The following GPHN variants were observed in gnomAD, a reference collection of about 807,000 sequenced individuals.
The protein encoded by GPHN is gephyrin.
Under a neutral mutation model 95.5 loss-of-function variants are expected in GPHN, and 17 were observed. That is an observed-to-expected ratio of 0.18 (90% CI 0.12 to 0.27). The LOEUF (loss-of-function observed/expected upper bound fraction) is 0.27, where lower values mean the gene tolerates loss of function less well. GPHN is among the 10% of genes least tolerant of loss of function. The probability of loss-of-function intolerance (pLI) is 1.00; values close to 1 mark genes in which losing one functional copy is unlikely to be tolerated. For synonymous variants in GPHN, 320 were observed against 322.5 expected, an observed-to-expected ratio of 0.99 and a Z score of 0.08; for missense variants, 660 against 978.1, an observed-to-expected ratio of 0.67 and a Z score of 4.34.
intron 21 of GPHN, among the ~76,000 whole-genome samples, chr14:67,172,067 C>T (rs1299764924): frequency 6.6e-6 from 1 of 152,182 alleles, no homozygotes; most frequent in Non-Finnish European, 1.5e-5. Context: ...TACTGCACTA[C>T]ACCATGTTGG....
chr14:67,421,725 T>C, the GPHN span, among the ~76,000 whole-genome samples: 1 of 152,190 alleles, frequency 6.6e-6, no homozygotes, highest in Non-Finnish European at 1.5e-5. Context: ...TGGAATTACG[T>C]GGAAACTGCA....
intron 2 of GPHN, among the ~76,000 whole-genome samples, chr14:66,768,759 C>T (rs2059054731): frequency 6.6e-6 from 1 of 151,832 alleles, no homozygotes; most frequent in Non-Finnish European, 1.5e-5. Context: ...CAGAGTTATA[C>T]AGTAAAACCA....
intron 11 of GPHN, among the ~76,000 whole-genome samples, chr14:67,072,335 A>G (rs2076343192): frequency 6.6e-6 from 1 of 152,160 alleles, no homozygotes; most frequent in Admixed American, 6.5e-5. Context: ...AAAATTAGTG[A>G]AAATTAAAAG....
At chr14:66,670,042 A>C (rs1031938248) in intron 1 of GPHN, among the ~76,000 whole-genome samples, 3 of 152,078 alleles carry the variant, frequency 2.0e-5, no homozygotes, top group Non-Finnish European at 2.9e-5. Context: ...GTCTTATGAG[A>C]ATGTAGTCTT....
At chr14:66,694,109 C>A (rs372578739) in intron 2 of GPHN, among the ~76,000 whole-genome samples, 1 of 151,958 alleles carries the variant, frequency 6.6e-6, no homozygotes, top group Non-Finnish European at 1.5e-5. Flanking sequence ...GAAGCTTAAC[C>A]CCCGATGTGA....
the GPHN span, among the ~76,000 whole-genome samples, chr14:67,723,479 C>T: frequency 5.3e-5 from 8 of 152,296 alleles, no homozygotes; most frequent in Non-Finnish European, 1.2e-4. Context: ...AAGCGACCAT[C>T]CCACGTTGGC....
the GPHN span, among the ~76,000 whole-genome samples, chr14:67,663,546 C>A: frequency 7.3e-5 from 11 of 151,398 alleles, no homozygotes; most frequent in African/African-American, 2.7e-4. Flanking sequence ...TGGTGGTGGG[C>A]GCCTGTATTC....
At chr14:67,320,995 A>G in the GPHN span, 1 of 1,388,636 alleles carries the variant, frequency 7.2e-7, no homozygotes, top group Non-Finnish European at 1.0e-6. Flanking sequence ...TGACTAGCAG[A>G]ATTATCCCCT....
rs753681911 is a variant in GPHN, at chr14:67,111,888, C to T, written c.1441C>T (p.Leu481=). 6 of 1,613,216 alleles carry T rather than the reference C, an allele frequency of 3.7e-6. No homozygotes were observed. The highest frequency in any genetic ancestry group is 5.1e-6 in the Non-Finnish European group (6 of 1,179,340). The part of the protein sequence containing the change: ...DGTEELEVRI[L]VQARPGQDIR... ...CACTGAAGAACTTGAAGTGCGAATT[C>T]TGGTGCAAGCTCGGCCAGGCCAAGA... is the stretch of plus-strand genomic sequence containing the variant. The change falls in exon 15 of 23, where the codon CTG becomes TTG. Residue 481 remains leucine (L), a synonymous_variant. Coordinates refer to ENST00000478722, the MANE Select transcript of GPHN (RefSeq NM_020806.5).
chr14:66,681,273 T>C (rs1257280803), intron 2 of GPHN, 88 bp downstream of exon 2: 6 of 848,018 alleles, frequency 7.1e-6, no homozygotes, highest in South Asian at 4.3e-5. Context: ...TGAAAACTTA[T>C]TTAAGGTACA....
At chr14:67,476,212 C>A in the GPHN span, among the ~76,000 whole-genome samples, 9 of 152,342 alleles carry the variant, frequency 5.9e-5, no homozygotes, top group South Asian at 1.7e-3. Context: ...CAGGCCTGGT[C>A]ACATTAATAC....
chr14:67,519,714 G>GTTT, the GPHN span, among the ~76,000 whole-genome samples: 3 of 145,094 alleles, frequency 2.1e-5, no homozygotes, highest in African/African-American at 5.1e-5. Flanking sequence ...CTGTAAGTTT[G>GTTT]TTTTTTTTTT....
chr14:67,596,620 A>T, the GPHN span, among the ~76,000 whole-genome samples: 2 of 152,088 alleles, frequency 1.3e-5, no homozygotes, highest in African/African-American at 4.8e-5. Flanking sequence ...CTAGGCCCTG[A>T]CCTTGACATC....
chr14:66,837,140 C>T (rs2061860375), intron 4 of GPHN, among the ~76,000 whole-genome samples: 1 of 151,480 alleles, frequency 6.6e-6, no homozygotes, highest in South Asian at 2.1e-4. Context: ...AAGACACATG[C>T]ACACGTATGT....
At chr14:66,703,036 G>T (rs1467302141) in intron 2 of GPHN, among the ~76,000 whole-genome samples, 1 of 126,120 alleles carries the variant, frequency 7.9e-6, no homozygotes, top group African/African-American at 4.5e-5. Flanking sequence ...AGTGGAAGAA[G>T]GGATATCAGT....
intron 2 of GPHN, among the ~76,000 whole-genome samples, chr14:66,683,371 T>TATGTTCATATATATATGTTC (rs1566812759): frequency 3.0e-5 from 1 of 32,866 alleles, no homozygotes; most frequent in African/African-American, 2.5e-4. Flanking sequence ...TATATATATA[T>TATGTTCATATATATATGTTC]ATATATATGT....
chr14:67,100,759 A>T (rs2077656258), intron 12 of GPHN, 97 bp from the exon 13 acceptor site: 5 of 814,900 alleles, frequency 6.1e-6, no homozygotes, highest in Non-Finnish European at 1.1e-5. Context: ...GCCTTATCAA[A>T]TAATTTGAGT....
At chr14:66,583,302 C>T (rs935175489) in intron 1 of GPHN, among the ~76,000 whole-genome samples, 6 of 152,058 alleles carry the variant, frequency 3.9e-5, no homozygotes, top group Non-Finnish European at 8.8e-5. Flanking sequence ...GTCAGATAAG[C>T]AGGTTGCAAA....
the GPHN span, among the ~76,000 whole-genome samples, chr14:67,605,683 C>T: frequency 6.6e-6 from 1 of 151,954 alleles, no homozygotes; most frequent in African/African-American, 2.4e-5. Context: ...ATATGCTTCT[C>T]TCATATTAAT....
Sources: gnomAD v4.1 joint callset for allele counts (sites outside exome capture counted in the v4.1 genomes callset) on GRCh38, gnomAD v4.1.1 for gene constraint, MANE v1.5 for transcripts, NCBI Gene and HGNC (gene_info 2026-07-23, HGNC 2026-07-21) for gene names.